Variants in PRKG1 observed in about 807,000 individuals in gnomAD.
PRKG1 encodes the protein protein kinase cGMP-dependent 1.
Under a neutral mutation model 88.1 loss-of-function variants are expected in PRKG1, and 35 were observed. The ratio of observed to expected loss-of-function variants is 0.40; its 90% CI spans 0.30 to 0.53. The LOEUF is 0.53. Ranked by LOEUF, PRKG1 falls within the 20% of genes least tolerant of loss-of-function variation. The pLI, the probability that PRKG1 is intolerant of heterozygous loss-of-function variation, is 0.59. For missense variants in PRKG1, 540 were observed against 839.8 expected (o/e 0.64, Z 4.41); for synonymous variants, 303 against 292.5 (o/e 1.04, Z -0.37).
At chr10:51,574,792 A>G (rs1194211251) in intron 3 of PRKG1, among the ~76,000 whole-genome samples, 1 of 151,826 alleles carries the variant, frequency 6.6e-6, no homozygotes, top group Non-Finnish European at 1.5e-5. Context: ...CTCAGTGAAT[A>G]AATCTGAAGC....
chr10:51,860,059 C>A (rs1937712), intron 4 of PRKG1, among the ~76,000 whole-genome samples: 67,575 of 151,924 alleles, frequency 0.44, 17,104 homozygotes, highest in African/African-American at 0.7. Flanking sequence ...GTAAAAGTTG[C>A]GGCAGACATA....
chr10:51,865,896 A>G (rs1841002529), intron 4 of PRKG1, among the ~76,000 whole-genome samples: 1 of 152,034 alleles, frequency 6.6e-6, no homozygotes, highest in Non-Finnish European at 1.5e-5. Flanking sequence ...GCATTTTTAT[A>G]AGAATATGGA....
chr10:52,191,341 T>TC (rs1247219583), intron 9 of PRKG1, among the ~76,000 whole-genome samples: 2 of 151,702 alleles, frequency 1.3e-5, no homozygotes, highest in Non-Finnish European at 2.9e-5. Context: ...TTTTTTTTTT[T>TC]TTTTCTTACA....
rs183494911 is a variant in PRKG1 at position 51,655,397 on chromosome 10, G to C, written c.593-149188G>C. ...ATGGATACTTTGTAAACATTGAATG[G>C]TAGGATACTTTTCAGGTTAAATTAT... On this transcript the variant is annotated intron_variant, in intron 3 of 17. Transcript: ENST00000373980. 3.5e-3 allele frequency among the ~76,000 whole-genome samples: 531 copies of C among 152,188 alleles called. 3 individuals are homozygous for C. The highest frequency in any genetic ancestry group is 0.012 in the African/African-American group (515 of 41,536).
intron 5 of PRKG1, among the ~76,000 whole-genome samples, chr10:52,020,747 G>A (rs1845162381): frequency 6.6e-6 from 1 of 152,014 alleles, no homozygotes; most frequent in Non-Finnish European, 1.5e-5. Context: ...TGCCCATCTG[G>A]GGCTTTCTTC....
intron 5 of PRKG1, among the ~76,000 whole-genome samples, chr10:51,970,048 A>ACACACC (rs1554862160): frequency 7.5e-6 from 1 of 133,810 alleles, no homozygotes; most frequent in Non-Finnish European, 1.6e-5. Flanking sequence ...ACACACACAC[A>ACACACC]CACCCATATT....
chr10:51,965,856 T>G (rs375149073), intron 5 of PRKG1, among the ~76,000 whole-genome samples: 3 of 152,170 alleles, frequency 2.0e-5, no homozygotes, highest in African/African-American at 4.8e-5. Context: ...AAGAGTTAGT[T>G]GCGAATGTCA....
chr10:51,527,406 T>A (rs1038067759), intron 3 of PRKG1, among the ~76,000 whole-genome samples: 1 of 152,068 alleles, frequency 6.6e-6, no homozygotes, highest in Non-Finnish European at 1.5e-5. Flanking sequence ...CATTAGGTGC[T>A]ACAAGAGTAC....
chr10:51,348,039 G>C (rs1343220103), intron 2 of PRKG1, among the ~76,000 whole-genome samples: 1 of 152,002 alleles, frequency 6.6e-6, no homozygotes, highest in African/African-American at 2.4e-5. Context: ...CTCCAGCCTG[G>C]GTGACAGAGC....
intron 3 of PRKG1, among the ~76,000 whole-genome samples, chr10:51,644,789 C>G (rs1349848042): frequency 6.6e-6 from 1 of 151,934 alleles, no homozygotes. Flanking sequence ...CGCTTCCTCC[C>G]TTCCTTCCTT....
At chr10:51,607,483 G>A (rs1014476468) in intron 3 of PRKG1, among the ~76,000 whole-genome samples, 2 of 152,164 alleles carry the variant, frequency 1.3e-5, no homozygotes, top group African/African-American at 4.8e-5. Flanking sequence ...GAAAGTTGAT[G>A]ACATTTCTCA....
intron 9 of PRKG1, among the ~76,000 whole-genome samples, chr10:52,241,414 G>C (rs1050369536): frequency 1.3e-5 from 2 of 152,140 alleles, no homozygotes; most frequent in African/African-American, 2.4e-5. Context: ...CAAACCCTTC[G>C]TTTTGCAGAA....
intron 3 of PRKG1, among the ~76,000 whole-genome samples, chr10:51,565,420 G>A (rs1348482998): frequency 6.6e-6 from 1 of 151,982 alleles, no homozygotes; most frequent in East Asian, 1.9e-4. Flanking sequence ...GAGTGGCAGT[G>A]TTTTCTGTGA....
intron 9 of PRKG1, among the ~76,000 whole-genome samples, chr10:52,174,907 A>G (rs1417048948): frequency 6.6e-6 from 1 of 152,058 alleles, no homozygotes; most frequent in Non-Finnish European, 1.5e-5. Context: ...TACGGGGTAT[A>G]TAATGATGTT....
At chr10:51,868,253 A>C (rs1841065833) in intron 4 of PRKG1, among the ~76,000 whole-genome samples, 1 of 152,186 alleles carries the variant, frequency 6.6e-6, no homozygotes, top group Admixed American at 6.5e-5. Flanking sequence ...TGAAAGTAGC[A>C]ACCAGCATGG....
rs1364077283 is a variant in PRKG1 at position 52,133,912 on chromosome 10, A to G, written c.1001+7A>G. 5 of 1,609,538 alleles carry G rather than the reference A, an allele frequency of 3.1e-6. No homozygotes were observed. The highest frequency in any genetic ancestry group is 2.2e-5 in the East Asian group (1 of 44,770). On this transcript the variant is annotated splice_region_variant and intron_variant, in intron 8 of 17. Transcript: ENST00000373980. ...GCCTTGTGATTGACAGAGAGTAAGT[A>G]CATTGTTTTATTATGTGAATTACAC...
intron 3 of PRKG1, among the ~76,000 whole-genome samples, chr10:51,514,913 C>T (rs189730214): frequency 4.3e-4 from 66 of 152,196 alleles, no homozygotes; most frequent in Non-Finnish European, 3.7e-4. Flanking sequence ...ACATTTTGGG[C>T]CAGATAATTC....
At chr10:51,074,356 C>T (rs1177323930), upstream of PRKG1, 2 of 1,108,162 alleles carry the variant, frequency 1.8e-6, no homozygotes, top group Non-Finnish European at 1.2e-6. Flanking sequence ...CTGGTTTGCT[C>T]TCCCCGCTCT....
At chr10:51,289,054 T>C (rs1840515720) in intron 2 of PRKG1, among the ~76,000 whole-genome samples, 1 of 152,126 alleles carries the variant, frequency 6.6e-6, no homozygotes, top group African/African-American at 2.4e-5. Context: ...GGGAATATCA[T>C]AAATGTGAAC....
Sources: gnomAD v4.1 joint callset for allele counts (sites outside exome capture counted in the v4.1 genomes callset) on GRCh38, gnomAD v4.1.1 for gene constraint, MANE v1.5 for transcripts, NCBI Gene and HGNC (gene_info 2026-07-23, HGNC 2026-07-21) for gene names.